The following MEP1B variants were observed in gnomAD, a reference collection of about 807,000 sequenced individuals.
MEP1B encodes N-benzoyl-L-tyrosyl-P-amino-benzoic acid hydrolase subunit beta.
Under a neutral mutation model 84.6 loss-of-function variants are expected in MEP1B, and 80 were observed. The ratio of observed to expected loss-of-function variants is 0.95; its 90% CI spans 0.79 to 1.14. The LOEUF (loss-of-function observed/expected upper bound fraction) is 1.14. MEP1B is among the 50% of genes most tolerant of loss of function. MEP1B has a pLI of 0.00. For missense variants in MEP1B, 766 were observed against 855.1 expected, an observed-to-expected ratio of 0.90 and a Z score of 1.30; for synonymous variants, 273 against 288.1, an observed-to-expected ratio of 0.95 and a Z score of 0.53.
chr18:32,201,365 C>T (rs1280242131), intron 5 of MEP1B, among the ~76,000 whole-genome samples: 1 of 151,706 alleles, frequency 6.6e-6, no homozygotes, highest in Non-Finnish European at 1.5e-5. Context: ...CATAGACCTT[C>T]CCATCTCAGC....
At chr18:32,192,750 A>G (rs1428501090) in intron 3 of MEP1B, 24 bp from the exon 4 acceptor site, 1 of 1,612,636 alleles carries the variant, frequency 6.2e-7, no homozygotes, top group Non-Finnish European at 8.5e-7. Context: ...ATTTGCTAAC[A>G]TGAATTTTTA....
intron 10 of MEP1B, among the ~76,000 whole-genome samples, chr18:32,212,667 T>C (rs1003066604): frequency 3.9e-5 from 6 of 152,338 alleles, no homozygotes; most frequent in Non-Finnish European, 7.3e-5. Context: ...AAAAAGTTGA[T>C]TGAAGACTTT....
chr18:32,208,375 A>G, intron 9 of MEP1B, 104 bp downstream of exon 9: 1 of 1,200,280 alleles, frequency 8.3e-7, no homozygotes, highest in Non-Finnish European at 1.1e-6. Flanking sequence ...CAGAATTATT[A>G]ATGATTATTC....
chr18:32,215,790 C>G (rs927310489), intron 12 of MEP1B, among the ~76,000 whole-genome samples: 4 of 152,050 alleles, frequency 2.6e-5, no homozygotes, highest in Admixed American at 1.3e-4. Context: ...TGCCACTGCA[C>G]TCCAGCCTGG....
In MEP1B at chr18:32,196,091, C is replaced by T. The variant is rs2040850946; in HGVS notation, c.250+606C>T. The T allele has an allele frequency of 4.3e-6, 2 of 468,740 alleles. No homozygotes were observed. Among genetic ancestry groups the T allele is most frequent in the South Asian group, 2.0e-5 (1 of 49,662 alleles). The allele number at this position is 468,740 out of a possible 1,614,324, so 29.0% of individuals were successfully genotyped here. A position where few individuals can be genotyped will look rare whatever the true frequency, so the allele number is the denominator to read the frequency against. On this transcript the variant is annotated intron_variant, in intron 5 of 14. Coordinates refer to ENST00000269202, the MANE Select transcript of MEP1B (RefSeq NM_005925.3). This position sits in a 1 kb window ranked among gnomAD's most constrained non-coding sequence, Gnocchi z 4.4. ...GGCTGGGAACCCAGGTCCTCTGGTG[C>T]CCCCGCTGGCTCGGGCTCGGTGGCC... is the stretch of plus-strand genomic sequence containing the variant.
Position 32,207,381 on chromosome 18 carries a change from C to T in MEP1B, c.677C>T (p.Thr226Ile). Residue 226 changes from threonine to isoleucine, a missense_variant, in exon 8 of 15, where the codon ACA (threonine) becomes ATA (isoleucine). Coordinates refer to ENST00000269202, the MANE Select transcript of MEP1B (RefSeq NM_005925.3). Reference protein sequence around the residue: ...FQNGTEPTIVTRISDFEDVIG... With the variant: ...FQNGTEPTIVIRISDFEDVIG... Reference sequence around the variant, plus strand: ...AATGGAACAGAGCCGACAATTGTCACAAGAATCTCAGACTTTGAGGATGTG... The same window carrying T: ...AATGGAACAGAGCCGACAATTGTCATAAGAATCTCAGACTTTGAGGATGTG... The T allele has an allele frequency of 6.2e-7, 1 of 1,613,376 alleles. No individual in the cohort carries two copies. The highest frequency in any genetic ancestry group is 1.1e-5 in the South Asian group (1 of 90,868).
chr18:32,220,277 A>G lies in MEP1B; in HGVS notation c.*32A>G. The G allele has an allele frequency of 6.2e-7, 1 of 1,601,394 alleles. No homozygotes were observed. Among genetic ancestry groups the G allele is most frequent in the South Asian group, 1.1e-5 (1 of 89,206 alleles). On this transcript the variant is annotated 3_prime_UTR_variant, in exon 15 of 15. Coordinates refer to ENST00000269202, the MANE Select transcript of MEP1B (RefSeq NM_005925.3). ...ACTCGACAATATGGCCAGCTAATGA[A>G]ATTAAAAAGGATTCTTCATCATGGA...
chr18:32,195,625 GAA>G (rs374510355), intron 5 of MEP1B, 140 bp downstream of exon 5: 5 of 463,606 alleles, frequency 1.1e-5, no homozygotes, highest in South Asian at 4.1e-5. Flanking sequence ...CATTTACTTT[GAA>G]AAAAAAAATA....
chr18:32,213,666 G>A (rs770235103), intron 11 of MEP1B, 107 bp downstream of exon 11: 2 of 818,638 alleles, frequency 2.4e-6, no homozygotes, highest in Non-Finnish European at 3.9e-6. Context: ...GGAATTTTGA[G>A]CCCCAAATCT....
At position 32,201,221 on chromosome 18, in the gene MEP1B, A is replaced by G. The variant is rs186378782; in HGVS notation, c.251-1672A>G. Among the ~76,000 whole-genome samples, 47 of 152,116 alleles carry G rather than the reference A, an allele frequency of 3.1e-4. 1 individual carries two copies. Among genetic ancestry groups the G allele is most frequent in the Admixed American group, 3.0e-3 (45 of 15,244 alleles). On this transcript the variant is annotated intron_variant, in intron 5 of 14. Coordinates refer to ENST00000269202, the MANE Select transcript of MEP1B (RefSeq NM_005925.3). ...GTATTATCATACCTTATTTGAAGGA[A>G]ATATTACATTTGAAATAATGACCCA...
rs1323080666 is a variant in MEP1B at position 32,196,015 on chromosome 18, G to A, written c.250+530G>A. ...CCACTGACTGACTGTCCATCTGCCTGTCCCTCTCTATCCCTGCAAGTTCGG... is the reference window on the plus strand; with the variant it reads ...CCACTGACTGACTGTCCATCTGCCTATCCCTCTCTATCCCTGCAAGTTCGG... On this transcript the variant is annotated intron_variant, in intron 5 of 14. Transcript: ENST00000269202. The surrounding 1 kb of genome is among the most constrained non-coding windows in gnomAD (Gnocchi z 4.4). The A allele has an allele frequency of 2.7e-6, 1 of 366,110 alleles. No individual in the cohort carries two copies. The highest frequency in any genetic ancestry group is 4.4e-4 in the Middle Eastern group (1 of 2,262). 22.7% of individuals were successfully genotyped at this position (366,110 alleles called of 1,614,324 possible).
intron 11 of MEP1B, among the ~76,000 whole-genome samples, chr18:32,214,734 G>T (rs2041064749): frequency 6.6e-6 from 1 of 152,212 alleles, no homozygotes; most frequent in Non-Finnish European, 1.5e-5. Flanking sequence ...GACTCTCTTA[G>T]TAGCCTTGAA....
At chr18:32,204,502 C>A in intron 7 of MEP1B, 142 bp downstream of exon 7, 3 of 734,802 alleles carry the variant, frequency 4.1e-6, no homozygotes, top group Non-Finnish European at 6.6e-6. Flanking sequence ...TGAACTCATT[C>A]TGAGTTATTG....
Position 32,210,501 on chromosome 18 carries a change from G to A in MEP1B, c.920G>A (p.Gly307Asp), listed in dbSNP as rs761078188. The A allele has an allele frequency of 2.5e-6, 4 of 1,613,120 alleles. No homozygotes were observed. Among genetic ancestry groups the A allele is most frequent in the Admixed American group, 3.3e-5 (2 of 59,910 alleles). The change falls in exon 10 of 15, where the codon GGT becomes GAT. Residue 307 changes from glycine (G) to aspartate (D), a missense_variant and splice_region_variant. Physicochemically the swap from Gly to Asp is moderately conservative, Grantham distance 94. Coordinates refer to ENST00000269202, the MANE Select transcript of MEP1B (RefSeq NM_005925.3). Reference protein sequence around the residue: ...SDHSNMGQCQGSGFFMHFDSS... With the variant: ...SDHSNMGQCQDSGFFMHFDSS... ...TCTCAATTCTGCTTTTCTTTAACAG[G>A]TTCTGGTTTCTTCATGCATTTCGAT...
intron 11 of MEP1B, 104 bp downstream of exon 11, chr18:32,213,663 TG>T (rs1195211293): frequency 1.2e-6 from 1 of 846,096 alleles, no homozygotes; most frequent in Non-Finnish European, 1.9e-6. Flanking sequence ...TAGGGAATTT[TG>T]AGCCCCAAAT....
chr18:32,207,795 G>A (rs1477380462), intron 8 of MEP1B, among the ~76,000 whole-genome samples: 4 of 152,190 alleles, frequency 2.6e-5, no homozygotes, highest in African/African-American at 9.7e-5. Flanking sequence ...ATGTCTAGTT[G>A]TAATATGAAT....
chr18:32,204,114 G>A (rs1251848788), intron 6 of MEP1B, 68 bp from the exon 7 acceptor site: 5 of 1,380,604 alleles, frequency 3.6e-6, no homozygotes, highest in Non-Finnish European at 5.0e-6. Context: ...ACTAGGCAGT[G>A]GCGATTCTGC....
At position 32,217,943 on chromosome 18, in the gene MEP1B, G is replaced by A. The variant is rs759192471; in HGVS notation, c.2069G>A (p.Arg690Gln). 2.5e-6 allele frequency: 4 copies of A among 1,613,788 alleles called. No individual in the cohort carries two copies. Among genetic ancestry groups the A allele is most frequent in the Admixed American group, 1.7e-5 (1 of 60,018 alleles). ...KKYRERMSSN[R>Q]PNLTPQNQHA... ...TATCGTGAAAGGATGAGCTCAAATC[G>A]ACCAAATTTGACTCCGCAAAATGTA... The change falls in exon 14 of 15, where the codon CGA becomes CAA. Residue 690 changes from arginine (R) to glutamine (Q), a missense_variant. Coordinates refer to ENST00000269202, the MANE Select transcript of MEP1B (RefSeq NM_005925.3).
At chr18:32,216,862 C>T (rs1259972857) in intron 12 of MEP1B, 129 bp from the exon 13 acceptor site, 11 of 1,110,554 alleles carry the variant, frequency 9.9e-6, no homozygotes, top group Non-Finnish European at 1.4e-5. Flanking sequence ...TGCAAGATCT[C>T]ACCTCTAAAA....
Sources: gnomAD v4.1 joint callset for allele counts (sites outside exome capture counted in the v4.1 genomes callset) on GRCh38, gnomAD v4.1.1 for gene constraint, Gnocchi (gnomAD v3.1) non-coding constraint, MANE v1.5 for transcripts, NCBI Gene and HGNC (gene_info 2026-07-23, HGNC 2026-07-21) for gene names.